ARHGEF7: variants seen among roughly 807,000 people sequenced by gnomAD.
ARHGEF7 encodes the protein Rho guanine nucleotide exchange factor 7.
ARHGEF7 carries 33 observed loss-of-function variants against 109.8 expected under a neutral mutation model. The ratio of observed to expected loss-of-function variants is 0.30; its 90% CI spans 0.23 to 0.40. ARHGEF7 has a LOEUF of 0.40. ARHGEF7 is among the 10% of genes least tolerant of loss of function. The pLI is 1.00. For missense variants in ARHGEF7, 938 were observed against 1,098.5 expected, an observed-to-expected ratio of 0.85 and a Z score of 2.07; for synonymous variants, 458 against 424.6, an observed-to-expected ratio of 1.08 and a Z score of -0.97.
At chr13:111,149,583 C>T (rs570638005) in intron 1 of ARHGEF7, among the ~76,000 whole-genome samples, 2 of 152,326 alleles carry the variant, frequency 1.3e-5, no homozygotes, top group South Asian at 4.1e-4. Context: ...CCAATCAATA[C>T]ATAACCTTGT....
At chr13:111,261,423 G>T (rs988738066) in intron 8 of ARHGEF7, among the ~76,000 whole-genome samples, 2 of 152,174 alleles carry the variant, frequency 1.3e-5, no homozygotes, top group South Asian at 4.1e-4. Flanking sequence ...TATAGCAGTT[G>T]TAAATATGCA....
chr13:111,276,998 A>G (rs1263873706), intron 12 of ARHGEF7, among the ~76,000 whole-genome samples: 1 of 152,158 alleles, frequency 6.6e-6, no homozygotes, highest in East Asian at 1.9e-4. Context: ...TTTAAGTCTG[A>G]TGTAAACCAG....
At chr13:111,230,412 A>G (rs568260388) in intron 5 of ARHGEF7, among the ~76,000 whole-genome samples, 1 of 152,088 alleles carries the variant, frequency 6.6e-6, no homozygotes, top group African/African-American at 2.4e-5. Flanking sequence ...TTTAATTTCA[A>G]TGCTGTTTTT....
intron 2 of ARHGEF7, among the ~76,000 whole-genome samples, chr13:111,178,559 G>A (rs145293592): frequency 6.6e-6 from 1 of 152,332 alleles, no homozygotes; most frequent in East Asian, 1.9e-4. Context: ...GAGTATGCGA[G>A]TGTTTTTAAA....
intron 3 of ARHGEF7, among the ~76,000 whole-genome samples, chr13:111,205,636 A>G (rs2081735910): frequency 6.6e-6 from 1 of 152,082 alleles, no homozygotes. Context: ...AGCAGGAGAA[A>G]AGTGTCTAGT....
chr13:111,285,016 GA>G (rs927915220), intron 16 of ARHGEF7, among the ~76,000 whole-genome samples: 2 of 152,320 alleles, frequency 1.3e-5, no homozygotes, highest in African/African-American at 4.8e-5. Context: ...ATTTTTTATA[GA>G]AATACTTTTG....
At chr13:111,281,697 C>A (rs2092786884) in intron 15 of ARHGEF7, among the ~76,000 whole-genome samples, 1 of 152,194 alleles carries the variant, frequency 6.6e-6, no homozygotes, top group South Asian at 2.1e-4. Context: ...TGAGCTGCTT[C>A]ACTCAGGTTT....
At chr13:111,133,575 T>G (rs1032961580) in intron 1 of ARHGEF7, among the ~76,000 whole-genome samples, 5 of 151,180 alleles carry the variant, frequency 3.3e-5, no homozygotes, top group African/African-American at 1.2e-4. Flanking sequence ...GCAGTACATG[T>G]TTTTCCAAGT....
intron 8 of ARHGEF7, among the ~76,000 whole-genome samples, chr13:111,250,829 A>G (rs1172767074): frequency 6.6e-6 from 1 of 152,172 alleles, no homozygotes; most frequent in African/African-American, 2.4e-5. Context: ...ATTATGAAGG[A>G]TGCAACTCAG....
chr13:111,292,447 G>A (rs770072577), intron 19 of ARHGEF7, 153 bp downstream of exon 19: 161 of 1,453,556 alleles, frequency 1.1e-4, no homozygotes, highest in Non-Finnish European at 1.4e-4. Flanking sequence ...TTTTGAGAGT[G>A]TTCCTGATAT....
At chr13:111,124,823 G>A (rs1304402998) in intron 1 of ARHGEF7, among the ~76,000 whole-genome samples, 1 of 152,092 alleles carries the variant, frequency 6.6e-6, no homozygotes, top group Non-Finnish European at 1.5e-5. Context: ...CCAATGGCAC[G>A]ATCTCGGCTC....
intron 2 of ARHGEF7, among the ~76,000 whole-genome samples, chr13:111,181,520 A>G (rs2078729912): frequency 2.6e-5 from 4 of 152,172 alleles, no homozygotes; most frequent in African/African-American, 7.2e-5. Flanking sequence ...AACAACAACA[A>G]CAACTGGGGA....
Position 111,292,101 on chromosome 13 carries a change from C to G in ARHGEF7, c.2135-17C>G, listed in dbSNP as rs1306540728. On this transcript the variant is annotated splice_polypyrimidine_tract_variant and intron_variant, in intron 18 of 21. Coordinates refer to ENST00000646102, the MANE Select transcript of ARHGEF7 (RefSeq NM_001354046.2). Reference sequence around the variant, plus strand: ...CCCCCTGCCTGTCGCGCCTGTCCCTCCGCCCGCCCGTCTTAGCATGGCAAG... The same window carrying G: ...CCCCCTGCCTGTCGCGCCTGTCCCTGCGCCCGCCCGTCTTAGCATGGCAAG... The G allele has an allele frequency of 6.2e-7, 1 of 1,609,096 alleles. No homozygotes were observed. The highest frequency in any genetic ancestry group is 1.7e-5 in the Admixed American group (1 of 59,930).
At chr13:111,235,348 C>T (rs745887853) in intron 6 of ARHGEF7, among the ~76,000 whole-genome samples, 7 of 152,214 alleles carry the variant, frequency 4.6e-5, no homozygotes, top group Non-Finnish European at 7.3e-5. Flanking sequence ...TTCTGTAATA[C>T]TTCTCAGATT....
rs1037484438 is a variant in ARHGEF7 at position 111,241,232 on chromosome 13, G to A, written c.760-2640G>A. 6 of 1,536,040 alleles carry A rather than the reference G, an allele frequency of 3.9e-6. No individual in the cohort carries two copies. In the Admixed American group the frequency reaches 7.8e-5, roughly 20 times the overall value. The stretch of plus-strand genomic sequence containing the variant: ...CTTTGAAAACTGCCTGCGTCCTCTG[G>A]GTTCCCAGCGTTGGTGGGATGGAGC... On this transcript the variant is annotated intron_variant, in intron 6 of 21. Coordinates refer to ENST00000646102, the MANE Select transcript of ARHGEF7 (RefSeq NM_001354046.2).
intron 2 of ARHGEF7, among the ~76,000 whole-genome samples, chr13:111,181,009 T>G (rs1485951701): frequency 6.6e-6 from 1 of 152,210 alleles, no homozygotes; most frequent in Admixed American, 6.5e-5. Flanking sequence ...AGTGAAAGAC[T>G]TACTACTTGG....
intron 2 of ARHGEF7, among the ~76,000 whole-genome samples, chr13:111,157,390 A>C (rs1022856465): frequency 6.6e-6 from 1 of 151,848 alleles, no homozygotes; most frequent in Admixed American, 6.6e-5. Flanking sequence ...AAGAATAATG[A>C]TGATGTTGGC....
chr13:111,135,877 T>G (rs2075060165), intron 1 of ARHGEF7, among the ~76,000 whole-genome samples: 1 of 152,212 alleles, frequency 6.6e-6, no homozygotes, highest in Non-Finnish European at 1.5e-5. Flanking sequence ...TTGTGCCAGT[T>G]TTCCAAGGGA....
intron 1 of ARHGEF7, among the ~76,000 whole-genome samples, chr13:111,118,490 G>T (rs114352840): frequency 0.014 from 2,142 of 152,234 alleles, 46 homozygotes; most frequent in African/African-American, 0.047. Context: ...AAAAGTTTTC[G>T]CCTTCTCTGT....
Sources: gnomAD v4.1 joint callset for allele counts (sites outside exome capture counted in the v4.1 genomes callset) on GRCh38, gnomAD v4.1.1 for gene constraint, MANE v1.5 for transcripts, NCBI Gene and HGNC (gene_info 2026-07-23, HGNC 2026-07-21) for gene names.